The following NKAIN3 variants were observed in gnomAD, a reference collection of about 807,000 sequenced individuals.
NKAIN3 encodes sodium/potassium-transporting ATPase subunit beta-1-interacting protein 3.
A neutral mutation model predicts 30.2 loss-of-function variants in NKAIN3; 25 were observed. That is an observed-to-expected ratio of 0.83 (90% CI 0.60 to 1.16). The LOEUF (loss-of-function observed/expected upper bound fraction) is 1.16, where lower values mean the gene tolerates loss of function less well. Ranked by LOEUF, NKAIN3 falls within the 50% of genes most tolerant of loss-of-function variation. The pLI is 0.00. For missense variants in NKAIN3, 225 were observed against 254.1 expected (o/e 0.89, Z 0.78); for synonymous variants, 91 against 89.6 (o/e 1.02, Z -0.09).
rs150910547 is a variant in NKAIN3, at chr8:62,576,176, C to A, written c.55-3363C>A. ...GGGAACAATCAACAAAGTGGAGGGACAACTCTCAGAATGGGAGAAAAAAAT... is the reference window on the plus strand; with the variant it reads ...GGGAACAATCAACAAAGTGGAGGGAAAACTCTCAGAATGGGAGAAAAAAAT... On this transcript the variant is annotated intron_variant, in intron 1 of 6. Coordinates refer to ENST00000623646, the MANE Select transcript of NKAIN3 (RefSeq NM_001304533.3). Among the ~76,000 whole-genome samples the A allele has an allele frequency of 1.4e-3, 210 of 152,050 alleles. 2 individuals are homozygous for A. Among genetic ancestry groups the A allele is most frequent in the African/African-American group, 3.7e-3 (152 of 41,502 alleles).
rs1554542659 is a variant in NKAIN3 at position 62,522,776 on chromosome 8, AAG to A, written c.55-56759_55-56758del. ...TATTTCATATTAATAATTATAAAAT[AAG>A]AGAAGATATTCTTTTACAGCTGTAA... On this transcript the variant is annotated intron_variant, in intron 1 of 6. Coordinates refer to ENST00000623646, the MANE Select transcript of NKAIN3 (RefSeq NM_001304533.3). 2.6e-3 allele frequency among the ~76,000 whole-genome samples: 388 copies of A among 152,052 alleles called. 2 individuals carry two copies. The highest frequency in any genetic ancestry group is 6.8e-3 in the Middle Eastern group (2 of 292).
chr8:62,399,180 A>AT (rs1349271132), intron 1 of NKAIN3, among the ~76,000 whole-genome samples: 2 of 152,126 alleles, frequency 1.3e-5, no homozygotes, highest in African/African-American at 2.4e-5. Flanking sequence ...TATTTACATC[A>AT]TTTTTTTCAG....
intron 3 of NKAIN3, among the ~76,000 whole-genome samples, chr8:62,711,998 T>G (rs57900808): frequency 0.022 from 3,373 of 152,236 alleles, 97 homozygotes; most frequent in African/African-American, 0.071. Flanking sequence ...ATGCAGTGAT[T>G]GTTGTCTCTC....
In NKAIN3 at chr8:62,939,174, C is replaced by T. The variant is rs539958769; in HGVS notation, c.533-14728C>T. Among the ~76,000 whole-genome samples, 78 of 152,146 alleles carry T rather than the reference C, an allele frequency of 5.1e-4. 1 individual carries two copies. The highest frequency in any genetic ancestry group is 1.8e-3 in the African/African-American group (76 of 41,526). On this transcript the variant is annotated intron_variant, in intron 5 of 6. Transcript: ENST00000623646. Reference sequence around the variant, plus strand: ...AGAACTTCAGAGCTCAAAAACAAGGCTTTTGCATTAATCCAATCTAACAAA... The same window carrying T: ...AGAACTTCAGAGCTCAAAAACAAGGTTTTTGCATTAATCCAATCTAACAAA...
chr8:62,962,488 A>G (rs1270268913), intron 6 of NKAIN3, among the ~76,000 whole-genome samples: 2 of 152,230 alleles, frequency 1.3e-5, no homozygotes, highest in Non-Finnish European at 2.9e-5. Flanking sequence ...AAAAAGAAGA[A>G]AAGAAATTCT....
intron 4 of NKAIN3, among the ~76,000 whole-genome samples, chr8:62,904,497 C>T (rs1349708625): frequency 6.6e-6 from 1 of 152,108 alleles, no homozygotes; most frequent in Non-Finnish European, 1.5e-5. Flanking sequence ...ATGATCCACA[C>T]AATATCAAAG....
chr8:62,620,850 T>C (rs1041111370), intron 3 of NKAIN3, among the ~76,000 whole-genome samples: 1 of 152,118 alleles, frequency 6.6e-6, no homozygotes, highest in Admixed American at 6.6e-5. Context: ...TTCAAAGTAA[T>C]GAAAGTTGCC....
chr8:62,871,127 G>T (rs75688252), intron 4 of NKAIN3, among the ~76,000 whole-genome samples: 2,988 of 152,168 alleles, frequency 0.02, 100 homozygotes, highest in African/African-American at 0.068. Flanking sequence ...CAGGCTGGGT[G>T]CAGTGGCTCC....
intron 2 of NKAIN3, among the ~76,000 whole-genome samples, chr8:62,585,416 A>G (rs1438948273): frequency 6.6e-6 from 1 of 152,280 alleles, no homozygotes; most frequent in Non-Finnish European, 1.5e-5. Flanking sequence ...TCCTTTACTC[A>G]TGAAAGTATT....
At chr8:62,372,083 T>A (rs1162623103) in intron 1 of NKAIN3, among the ~76,000 whole-genome samples, 1 of 151,958 alleles carries the variant, frequency 6.6e-6, no homozygotes, top group Non-Finnish European at 1.5e-5. Flanking sequence ...ATGGTTTTAA[T>A]ACTGATTAGA....
chr8:62,755,743 T>G (rs1268703702), intron 4 of NKAIN3, among the ~76,000 whole-genome samples: 2 of 152,264 alleles, frequency 1.3e-5, no homozygotes, highest in East Asian at 3.9e-4. Context: ...TAGACTGACT[T>G]ACTCACTATA....
At chr8:62,642,190 C>T (rs1812331099) in intron 3 of NKAIN3, among the ~76,000 whole-genome samples, 1 of 151,986 alleles carries the variant, frequency 6.6e-6, no homozygotes, top group South Asian at 2.1e-4. Flanking sequence ...CACTTGAAAC[C>T]CATTATTGAA....
chr8:62,702,018 G>T (rs1345167174), intron 3 of NKAIN3, among the ~76,000 whole-genome samples: 1 of 152,188 alleles, frequency 6.6e-6, no homozygotes, highest in Admixed American at 6.5e-5. Context: ...ACCTGCGCTT[G>T]TGTTCGCGTT....
chr8:62,653,465 G>T (rs182625487), intron 3 of NKAIN3, among the ~76,000 whole-genome samples: 69 of 152,196 alleles, frequency 4.5e-4, no homozygotes, highest in African/African-American at 1.6e-3. Context: ...GAGCAGAAGG[G>T]ACACAGTTCA....
chr8:62,681,870 G>A (rs1011262529), intron 3 of NKAIN3, among the ~76,000 whole-genome samples: 1 of 152,166 alleles, frequency 6.6e-6, no homozygotes, highest in Non-Finnish European at 1.5e-5. Context: ...TGCTCTCAGA[G>A]GCAGGCTGCC....
intron 1 of NKAIN3, among the ~76,000 whole-genome samples, chr8:62,456,436 G>C (rs896316628): frequency 6.6e-6 from 1 of 151,850 alleles, no homozygotes; most frequent in Admixed American, 6.6e-5. Context: ...GGAGAATGGC[G>C]TGAACCTGTG....
rs35191559 is a variant in NKAIN3 at position 62,415,749 on chromosome 8, A to AATTATTATT, written c.55-163774_55-163766dup. Among the ~76,000 whole-genome samples, 31 of 148,690 alleles carry AATTATTATT rather than the reference A, an allele frequency of 2.1e-4. No individual in the cohort carries two copies. The East Asian group carries it at 3.4e-3, about 16-fold the overall frequency. The stretch of plus-strand genomic sequence containing the variant: ...GATTCATTATAATAATTTTATTAAG[A>AATTATTATT]ATTATTATTATTATTATTATTATTT... On this transcript the variant is annotated intron_variant, in intron 1 of 6. Transcript: ENST00000623646.
At chr8:62,413,374 C>T (rs1445818842) in intron 1 of NKAIN3, among the ~76,000 whole-genome samples, 1 of 152,168 alleles carries the variant, frequency 6.6e-6, no homozygotes, top group African/African-American at 2.4e-5. Flanking sequence ...TTTGGGACAA[C>T]TGCCACACCA....
chr8:62,943,309 C>T (rs1465106591), intron 5 of NKAIN3, among the ~76,000 whole-genome samples: 1 of 151,766 alleles, frequency 6.6e-6, no homozygotes. Context: ...CACTGATTAT[C>T]AGGGAAATGC....
Sources: allele counts gnomAD v4.1 joint callset (sites outside exome capture counted in the v4.1 genomes callset), GRCh38; gene constraint gnomAD v4.1.1; transcripts MANE v1.5; gene names NCBI Gene and HGNC (gene_info 2026-07-23, HGNC 2026-07-21).